Variants in BABAM2 observed in about 807,000 individuals in gnomAD.
The protein encoded by BABAM2 is BRISC and BRCA1-A complex member 2.
In BABAM2, 31 loss-of-function variants were observed where a neutral mutation model predicts 54.7. The ratio of observed to expected loss-of-function variants is 0.57; its 90% CI spans 0.43 to 0.77. The LOEUF (loss-of-function observed/expected upper bound fraction) is 0.77. Ranked by LOEUF, BABAM2 falls within the 30% of genes least tolerant of loss-of-function variation. BABAM2 has a pLI of 0.00. For synonymous variants in BABAM2, 167 were observed against 162.9 expected, an observed-to-expected ratio of 1.03 and a Z score of -0.19; for missense variants, 364 against 455.8, an observed-to-expected ratio of 0.80 and a Z score of 1.83.
intron 6 of BABAM2, among the ~76,000 whole-genome samples, chr2:28,109,281 T>C (rs6752141): frequency 0.98 from 147,689 of 150,458 alleles, 72,546 homozygotes; most frequent in East Asian, 1. Flanking sequence ...CTCCACCTCC[T>C]GGGTTCATGC....
At chr2:28,022,567 C>A (rs940894316) in intron 4 of BABAM2, among the ~76,000 whole-genome samples, 1 of 152,088 alleles carries the variant, frequency 6.6e-6, no homozygotes, top group African/African-American at 2.4e-5. Context: ...TCTCTGAATG[C>A]GTTTTTCATT....
intron 6 of BABAM2, among the ~76,000 whole-genome samples, chr2:28,050,557 T>A (rs2148620223): frequency 6.6e-6 from 1 of 152,280 alleles, no homozygotes; most frequent in East Asian, 1.9e-4. Context: ...AACACCTAAG[T>A]ACTGATTTTG....
intron 11 of BABAM2, among the ~76,000 whole-genome samples, chr2:28,330,927 G>C (rs1021165222): frequency 6.6e-6 from 1 of 150,978 alleles, no homozygotes. Context: ...CGTGACTTCA[G>C]ACTTTACTAC....
chr2:28,167,618 C>T (rs959054790), intron 7 of BABAM2, among the ~76,000 whole-genome samples: 7 of 151,392 alleles, frequency 4.6e-5, no homozygotes, highest in East Asian at 1.9e-4. Context: ...CGCTTGAACC[C>T]GGGAGGCAGA....
chr2:28,312,195 T>C (rs1689145758), intron 11 of BABAM2, among the ~76,000 whole-genome samples: 1 of 152,212 alleles, frequency 6.6e-6, no homozygotes, highest in Non-Finnish European at 1.5e-5. Context: ...GGATTGTCCA[T>C]TGTGTGCATA....
chr2:28,275,396 A>G (rs1298195863), intron 10 of BABAM2, among the ~76,000 whole-genome samples: 1 of 152,222 alleles, frequency 6.6e-6, no homozygotes, highest in African/African-American at 2.4e-5. Context: ...TTGTGAAGGT[A>G]TAAGCCTCAT....
At chr2:28,134,794 A>G (rs1480867516) in intron 7 of BABAM2, among the ~76,000 whole-genome samples, 1 of 152,228 alleles carries the variant, frequency 6.6e-6, no homozygotes, top group Non-Finnish European at 1.5e-5. Context: ...GGTGCTTCAG[A>G]GGCTGTCAGC....
intron 11 of BABAM2, among the ~76,000 whole-genome samples, chr2:28,316,372 T>G (rs892730700): frequency 1.0e-5 from 1 of 97,330 alleles, no homozygotes; most frequent in African/African-American, 3.8e-5. Context: ...CTGTGCATGT[T>G]TGGGAGTGGG....
At chr2:28,046,962 C>G (rs1257273776) in intron 6 of BABAM2, among the ~76,000 whole-genome samples, 1 of 151,882 alleles carries the variant, frequency 6.6e-6, no homozygotes, top group East Asian at 1.9e-4. Flanking sequence ...GAGAAAGGGT[C>G]TCAGTGGTCC....
chr2:28,310,007 A>AT, intron 11 of BABAM2: 1 of 1,470,018 alleles, frequency 6.8e-7, no homozygotes, highest in Non-Finnish European at 9.5e-7. Flanking sequence ...AATCATATAA[A>AT]TAACGTGGAA....
intron 4 of BABAM2, among the ~76,000 whole-genome samples, chr2:28,023,398 C>T (rs989962111): frequency 6.6e-6 from 1 of 152,144 alleles, no homozygotes; most frequent in Non-Finnish European, 1.5e-5. Flanking sequence ...TTTAGCAATG[C>T]TCTCTGAAGG....
chr2:28,253,971 A>G (rs1417193092), intron 10 of BABAM2, among the ~76,000 whole-genome samples: 3 of 152,244 alleles, frequency 2.0e-5, no homozygotes, highest in Admixed American at 6.5e-5. Flanking sequence ...TAAGCAGCTT[A>G]TTAAGGAATG....
At chr2:28,104,087 C>A (rs1458122689) in intron 6 of BABAM2, among the ~76,000 whole-genome samples, 3 of 152,074 alleles carry the variant, frequency 2.0e-5, no homozygotes, top group Admixed American at 6.6e-5. Context: ...ACCATAAAAA[C>A]CCTGGAAGAA....
At chr2:28,249,820 A>G (rs544179540) in intron 10 of BABAM2, among the ~76,000 whole-genome samples, 1 of 152,106 alleles carries the variant, frequency 6.6e-6, no homozygotes, top group South Asian at 2.1e-4. Flanking sequence ...TTATGTAGGG[A>G]CGAGGTTTTG....
At chr2:28,109,174 G>A in intron 6 of BABAM2, among the ~76,000 whole-genome samples, 1 of 146,776 alleles carries the variant, frequency 6.8e-6, no homozygotes, top group Admixed American at 6.9e-5. Flanking sequence ...CTGCTCTAAA[G>A]ACACATACTC....
intron 7 of BABAM2, among the ~76,000 whole-genome samples, chr2:28,198,338 G>C (rs1677851540): frequency 6.6e-6 from 1 of 152,010 alleles, no homozygotes; most frequent in Non-Finnish European, 1.5e-5. Context: ...CTAATTTTTT[G>C]TATTTTTTTA....
chr2:28,072,383 C>T (rs1313079391), intron 6 of BABAM2, among the ~76,000 whole-genome samples: 3 of 150,304 alleles, frequency 2.0e-5, no homozygotes, highest in African/African-American at 7.4e-5. Flanking sequence ...ATGTTGGCAG[C>T]CTGGATTCTT....
At chr2:28,178,553 A>G (rs1486221849) in intron 7 of BABAM2, among the ~76,000 whole-genome samples, 2 of 152,146 alleles carry the variant, frequency 1.3e-5, no homozygotes, top group Non-Finnish European at 2.9e-5. Flanking sequence ...AAAAGTAGAA[A>G]GATTTCAAAT....
intron 11 of BABAM2, among the ~76,000 whole-genome samples, chr2:28,300,618 A>G (rs1288907506): frequency 2.6e-5 from 4 of 152,164 alleles, no homozygotes; most frequent in African/African-American, 9.7e-5. Context: ...TGTGGTTTCC[A>G]TGGCAAAGCT....
Sources: allele counts gnomAD v4.1 joint callset (sites outside exome capture counted in the v4.1 genomes callset), GRCh38; gene constraint gnomAD v4.1.1; transcripts MANE v1.5; gene names NCBI Gene and HGNC (gene_info 2026-07-23, HGNC 2026-07-21).